The following CTPS1 variants were observed in gnomAD, a reference collection of about 807,000 sequenced individuals.
The protein encoded by CTPS1 is CTP synthetase 1.
A neutral mutation model predicts 80.5 loss-of-function variants in CTPS1; 25 were observed. The observed-to-expected ratio is 0.31, with a 90% CI of 0.23 to 0.43. CTPS1 has a LOEUF of 0.43. Ranked by LOEUF, CTPS1 falls within the 20% of genes least tolerant of loss-of-function variation. The pLI, the probability that CTPS1 is intolerant of heterozygous loss-of-function variation, is 1.00. For synonymous variants in CTPS1, 267 were observed against 252.5 expected (o/e 1.06, Z -0.54); for missense variants, 442 against 725.7 (o/e 0.61, Z 4.49).
chr1:40,992,118 G>C (rs182073971), intron 7 of CTPS1, among the ~76,000 whole-genome samples: 60 of 152,232 alleles, frequency 3.9e-4, no homozygotes, highest in African/African-American at 1.4e-3. Context: ...CCCTATGATT[G>C]TACTTTTTCA....
chr1:41,001,473 T>C, intron 10 of CTPS1: 2 of 267,848 alleles, frequency 7.5e-6, no homozygotes, highest in Non-Finnish European at 1.4e-5. Flanking sequence ...TCTGGTTCAC[T>C]AGAACAGTTG....
intron 1 of CTPS1, chr1:40,980,094 G>A (rs1288526124): frequency 6.6e-6 from 1 of 151,252 alleles, no homozygotes; most frequent in Non-Finnish European, 1.5e-5. Flanking sequence ...GCGGGGCGCG[G>A]GGCGGCTTCA....
intron 18 of CTPS1, 68 bp downstream of exon 18, chr1:41,010,322 C>T: frequency 8.6e-7 from 1 of 1,167,358 alleles, no homozygotes; most frequent in South Asian, 1.3e-5. Context: ...GCAAGAATAT[C>T]ATGGAAGTTT....
In CTPS1 at chr1:41,011,771, C is replaced by T. The variant is rs527746346; in HGVS notation, c.*123C>T. ...TTTTTATTAAGATTATTTTATTATG[C>T]GGAAAGGTATTTGGGAAACTTGTCA... On this transcript the variant is annotated 3_prime_UTR_variant, in exon 19 of 19. Transcript: ENST00000650070. 2 of 152,148 alleles carry T rather than the reference C, an allele frequency of 1.3e-5. No individual in the cohort carries two copies. The highest frequency in any genetic ancestry group is 1.9e-4 in the East Asian group (1 of 5,178). 9.4% of individuals were successfully genotyped at this position (152,148 alleles called of 1,614,324 possible).
chr1:40,999,081 C>A (rs933768805), intron 9 of CTPS1, among the ~76,000 whole-genome samples: 2 of 152,108 alleles, frequency 1.3e-5, no homozygotes, highest in African/African-American at 2.4e-5. Flanking sequence ...AAGGAAGGAG[C>A]ACATAGGAGA....
At chr1:40,987,109 G>A (rs774898063) in intron 3 of CTPS1, among the ~76,000 whole-genome samples, 13 of 152,204 alleles carry the variant, frequency 8.5e-5, no homozygotes, top group East Asian at 1.9e-4. Flanking sequence ...ACAGGGGCAC[G>A]TGCGCCTGTG....
At chr1:41,005,924 A>C in intron 12 of CTPS1, 127 bp from the exon 13 acceptor site, 1 of 740,720 alleles carries the variant, frequency 1.4e-6, no homozygotes, top group Non-Finnish European at 2.4e-6. Flanking sequence ...GGGGGATGCT[A>C]TCTTTAGTTT....
intron 1 of CTPS1, 183 bp downstream of exon 1, chr1:40,980,012 C>CGCCCCGGCCGGCGAGCTGCCG (rs1553177981): frequency 6.6e-6 from 1 of 151,356 alleles, no homozygotes; most frequent in Non-Finnish European, 1.5e-5. Flanking sequence ...GTGGGGCGGG[C>CGCCCCGGCCGGCGAGCTGCCG]GCCCCGGCCG....
rs1643111537 is a variant in CTPS1, at chr1:41,009,323, G to A, written c.1547-122G>A. 3.9e-6 allele frequency: 4 copies of A among 1,038,696 alleles called. No homozygotes were observed. In the African/African-American group the frequency reaches 6.5e-5, roughly 17 times the overall value. 64.3% of individuals were successfully genotyped at this position (1,038,696 alleles called of 1,614,324 possible). On this transcript the variant is annotated intron_variant, in intron 16 of 18. Transcript: ENST00000650070. Reference sequence around the variant, plus strand: ...AGGTTCCCTTTATCTAGATTCAAATGAGAAAGTCATTTTCAAATTATTTTA... The same window carrying A: ...AGGTTCCCTTTATCTAGATTCAAATAAGAAAGTCATTTTCAAATTATTTTA...
chr1:41,010,959 C>T (rs529408994), intron 18 of CTPS1, among the ~76,000 whole-genome samples: 2 of 152,300 alleles, frequency 1.3e-5, no homozygotes, highest in African/African-American at 4.8e-5. Flanking sequence ...GAGGGAGTGT[C>T]AGTCATCTGG....
intron 9 of CTPS1, among the ~76,000 whole-genome samples, chr1:40,998,530 T>G (rs1047116275): frequency 1.3e-5 from 2 of 152,034 alleles, no homozygotes; most frequent in African/African-American, 2.4e-5. Flanking sequence ...AGTTTCCACA[T>G]TGTTAAAAAG....
chr1:40,991,306 C>A, intron 6 of CTPS1, 58 bp downstream of exon 6: 1 of 1,300,870 alleles, frequency 7.7e-7, no homozygotes, highest in Non-Finnish European at 1.1e-6. Context: ...TAAGATCACT[C>A]TATCATGACA....
At chr1:40,989,004 T>C (rs1479995976) in intron 5 of CTPS1, among the ~76,000 whole-genome samples, 1 of 152,140 alleles carries the variant, frequency 6.6e-6, no homozygotes, top group Non-Finnish European at 1.5e-5. Flanking sequence ...ACAAATCTTG[T>C]GGAGAGGAGT....
rs1643075088 is a variant in CTPS1, at chr1:41,007,871, A to T, written c.1393+326A>T. ...CCATATCAATTGCTGATGTTTGGCA[A>T]TTTTTGTCACACAAAGATGGCAATT... is the stretch of plus-strand genomic sequence containing the variant. On this transcript the variant is annotated intron_variant, in intron 14 of 18. Coordinates refer to ENST00000650070, the MANE Select transcript of CTPS1 (RefSeq NM_001905.4). This position sits in a 1 kb window ranked among gnomAD's most constrained non-coding sequence, Gnocchi z 4.4. Among the ~76,000 whole-genome samples the T allele has an allele frequency of 6.6e-6, 1 of 152,200 alleles. No homozygotes were observed. The highest frequency in any genetic ancestry group is 2.4e-5 in the African/African-American group (1 of 41,446).
chr1:40,980,249 A>G (rs924278922), intron 1 of CTPS1: 1 of 151,846 alleles, frequency 6.6e-6, no homozygotes, highest in African/African-American at 2.4e-5. Context: ...GAAGCCCGGC[A>G]GTCGCCCATC....
chr1:41,010,356 A>G, intron 18 of CTPS1, 102 bp downstream of exon 18: 1 of 769,188 alleles, frequency 1.3e-6, no homozygotes, highest in East Asian at 2.6e-5. Context: ...TTTATCTGCC[A>G]GGAATGAAAG....
intron 12 of CTPS1, among the ~76,000 whole-genome samples, chr1:41,004,724 T>C (rs747409081): frequency 2.6e-5 from 4 of 152,226 alleles, no homozygotes; most frequent in Non-Finnish European, 5.9e-5. Context: ...GACTGAGCTA[T>C]TGAGTGAAAC....
chr1:40,988,723 T>C lies in CTPS1; in HGVS notation c.555+13T>C. ...TCTAGTTCCCCAGGTAAGTAAGACA[T>C]TGAAAGTTTTACTTTGGGGGAGATG... On this transcript the variant is annotated intron_variant, in intron 5 of 18. Transcript: ENST00000650070. 2 of 1,565,526 alleles carry C rather than the reference T, an allele frequency of 1.3e-6. No individual in the cohort carries two copies. Among genetic ancestry groups the C allele is most frequent in the Non-Finnish European group, 1.8e-6 (2 of 1,136,400 alleles).
intron 10 of CTPS1, among the ~76,000 whole-genome samples, chr1:41,001,776 G>GT (rs1181242397): frequency 1.3e-5 from 2 of 151,972 alleles, no homozygotes; most frequent in African/African-American, 4.8e-5. Flanking sequence ...GCTGGGTGTG[G>GT]TCCCAGCTCC....
Sources: allele counts gnomAD v4.1 joint callset (sites outside exome capture counted in the v4.1 genomes callset), GRCh38; gene constraint gnomAD v4.1.1; non-coding constraint Gnocchi (gnomAD v3.1); transcripts MANE v1.5; gene names NCBI Gene and HGNC (gene_info 2026-07-23, HGNC 2026-07-21).